The following AUH variants were observed in gnomAD, a reference collection of about 807,000 sequenced individuals.
The protein encoded by AUH is AU RNA binding methylglutaconyl-CoA hydratase.
A neutral mutation model predicts 42.3 loss-of-function variants in AUH; 29 were observed. The observed-to-expected ratio is 0.69, with a 90% CI of 0.51 to 0.93. AUH has a LOEUF of 0.93. Among genes scored for constraint, AUH ranks in the 40% least tolerant of loss-of-function variants. The pLI is 0.00. For missense variants in AUH, 452 were observed against 438.1 expected (o/e 1.03, Z -0.28); for synonymous variants, 174 against 166.4 (o/e 1.05, Z -0.35).
At chr9:91,216,911 G>A (rs1826853195) in intron 8 of AUH, among the ~76,000 whole-genome samples, 1 of 152,192 alleles carries the variant, frequency 6.6e-6, no homozygotes, top group Non-Finnish European at 1.5e-5. Context: ...GCTGTTCTTG[G>A]AATGTTTTGT....
chr9:91,342,672 T>TA (rs1466824731), intron 3 of AUH: 1 of 152,194 alleles, frequency 6.6e-6, no homozygotes, highest in African/African-American at 2.4e-5. Context: ...AAAATGGAAT[T>TA]AGAGTCAGAA....
At chr9:91,297,398 A>G (rs1827432422) in intron 5 of AUH, among the ~76,000 whole-genome samples, 1 of 152,184 alleles carries the variant, frequency 6.6e-6, no homozygotes, top group South Asian at 2.1e-4. Context: ...AAAACCATTC[A>G]GGAAGAAAGT....
intron 3 of AUH, among the ~76,000 whole-genome samples, chr9:91,346,829 G>A (rs761030598): frequency 1.3e-5 from 2 of 149,442 alleles, no homozygotes; most frequent in African/African-American, 2.5e-5. Context: ...AACTCCTCAG[G>A]TTACTTAATT....
chr9:91,334,298 T>C (rs1830539322), intron 3 of AUH, among the ~76,000 whole-genome samples: 1 of 152,228 alleles, frequency 6.6e-6, no homozygotes, highest in Admixed American at 6.5e-5. Flanking sequence ...GTAAGGGTCC[T>C]TCTGGATGAC....
intron 3 of AUH, among the ~76,000 whole-genome samples, chr9:91,347,548 G>A (rs926483612): frequency 6.6e-6 from 1 of 152,134 alleles, no homozygotes; most frequent in Non-Finnish European, 1.5e-5. Flanking sequence ...CCCCCATCCT[G>A]AAGCTATCTA....
chr9:91,228,138 C>T (rs1056962745), intron 6 of AUH, among the ~76,000 whole-genome samples: 4 of 151,652 alleles, frequency 2.6e-5, no homozygotes, highest in Non-Finnish European at 4.4e-5. Context: ...GTACCAGTTC[C>T]TCCTTGTACC....
intron 4 of AUH, among the ~76,000 whole-genome samples, chr9:91,304,165 A>G (rs1261798410): frequency 6.6e-6 from 1 of 152,264 alleles, no homozygotes; most frequent in Non-Finnish European, 1.5e-5. Context: ...TAACAGATGA[A>G]GAGCAGCAAC....
chr9:91,224,441 TA>T (rs1827318899), intron 6 of AUH, among the ~76,000 whole-genome samples: 1 of 152,210 alleles, frequency 6.6e-6, no homozygotes, highest in Non-Finnish European at 1.5e-5. Flanking sequence ...GCCTGATGCA[TA>T]AAAGTCTTTA....
intron 4 of AUH, among the ~76,000 whole-genome samples, chr9:91,314,564 C>T (rs1208467423): frequency 6.6e-6 from 1 of 151,378 alleles, no homozygotes; most frequent in East Asian, 1.9e-4. Context: ...TCTTGGCTTC[C>T]CTTGAAAATA....
intron 3 of AUH, among the ~76,000 whole-genome samples, chr9:91,334,485 G>A (rs1254547228): frequency 6.6e-6 from 1 of 152,212 alleles, no homozygotes; most frequent in African/African-American, 2.4e-5. Flanking sequence ...CCTTGGACTA[G>A]ATTTACACTG....
At chr9:91,247,974 A>G (rs1212849861) in intron 6 of AUH, among the ~76,000 whole-genome samples, 2 of 152,188 alleles carry the variant, frequency 1.3e-5, no homozygotes, top group African/African-American at 4.8e-5. Flanking sequence ...TCGTACTTCC[A>G]TTCTCTTAAC....
At chr9:91,233,608 A>G (rs1828013999) in intron 6 of AUH, among the ~76,000 whole-genome samples, 1 of 152,262 alleles carries the variant, frequency 6.6e-6, no homozygotes, top group African/African-American at 2.4e-5. Flanking sequence ...TGCGTATGCC[A>G]TAAACAATGT....
chr9:91,225,405 G>T (rs1049299392), intron 6 of AUH, among the ~76,000 whole-genome samples: 1 of 152,116 alleles, frequency 6.6e-6, no homozygotes, highest in African/African-American at 2.4e-5. Flanking sequence ...TTAGAGTTAG[G>T]GGTAAAAGTG....
At chr9:91,352,229 C>T (rs1228540825) in intron 3 of AUH, among the ~76,000 whole-genome samples, 1 of 152,132 alleles carries the variant, frequency 6.6e-6, no homozygotes, top group African/African-American at 2.4e-5. Flanking sequence ...GAGACAAGAT[C>T]ACACCATTGC....
intron 6 of AUH, among the ~76,000 whole-genome samples, chr9:91,244,823 G>A (rs577945204): frequency 3.3e-5 from 5 of 152,074 alleles, no homozygotes; most frequent in Non-Finnish European, 7.4e-5. Flanking sequence ...TACAAAATAT[G>A]GTTTATGGCA....
chr9:91,231,038 C>G (rs1260446763), intron 6 of AUH, among the ~76,000 whole-genome samples: 1 of 152,224 alleles, frequency 6.6e-6, no homozygotes, highest in Non-Finnish European at 1.5e-5. Flanking sequence ...GTGGAGCCTA[C>G]AGAGGCACGC....
At chr9:91,275,301 T>A (rs1825453271) in intron 6 of AUH, among the ~76,000 whole-genome samples, 1 of 152,126 alleles carries the variant, frequency 6.6e-6, no homozygotes, top group African/African-American at 2.4e-5. Flanking sequence ...ACAGGTGAGG[T>A]TAGTGGTTTT....
In AUH at chr9:91,361,903, G is replaced by A. The variant is rs527800692; in HGVS notation, c.-14C>T. 102 of 1,415,018 alleles carry A rather than the reference G, an allele frequency of 7.2e-5. No individual in the cohort carries two copies. The African/African-American group carries it at 1.4e-3, about 20-fold the overall frequency. The allele number at this position is 1,415,018 out of a possible 1,614,324, so 87.7% of individuals were successfully genotyped here. A position where few individuals can be genotyped will look rare whatever the true frequency, so the allele number is the denominator to read the frequency against. On this transcript the variant is annotated 5_prime_UTR_variant, in exon 1 of 10. Coordinates refer to ENST00000375731, the MANE Select transcript of AUH (RefSeq NM_001698.3). Reference sequence around the variant, plus strand: ...CGCGGCCGCCATGTTGTCTGTTTACGGCGTGGACCTGCGACGGCCGCTCCG... The same window carrying A: ...CGCGGCCGCCATGTTGTCTGTTTACAGCGTGGACCTGCGACGGCCGCTCCG...
rs575319368 is a variant in AUH, at chr9:91,361,477, G to A, written c.262+151C>T. The A allele has an allele frequency of 2.8e-4, 300 of 1,081,180 alleles. 1 individual carries two copies. In the African/African-American group the frequency reaches 4.4e-3, roughly 16 times the overall value. 67.0% of individuals were successfully genotyped at this position (1,081,180 alleles called of 1,614,324 possible). A position where few individuals can be genotyped will look rare whatever the true frequency, so the allele number is the denominator to read the frequency against. On this transcript the variant is annotated intron_variant, in intron 1 of 9. Coordinates refer to ENST00000375731, the MANE Select transcript of AUH (RefSeq NM_001698.3). ...GCACAAGGAAGCGGCCACGCTGGGT[G>A]AGTAGGGAGGTGAGAAAGGGGAGGG...
Sources: gnomAD v4.1 joint callset for allele counts (sites outside exome capture counted in the v4.1 genomes callset) on GRCh38, gnomAD v4.1.1 for gene constraint, MANE v1.5 for transcripts, NCBI Gene and HGNC (gene_info 2026-07-23, HGNC 2026-07-21) for gene names.